The following CDC42SE2 variants were observed in gnomAD, a reference collection of about 807,000 sequenced individuals.
CDC42SE2 encodes the protein CDC42 small effector protein 2.
Under a neutral mutation model 11.5 loss-of-function variants are expected in CDC42SE2, and 3 were observed. The ratio of observed to expected loss-of-function variants is 0.26; its 90% CI spans 0.12 to 0.67. The LOEUF (loss-of-function observed/expected upper bound fraction) is 0.67. Among genes scored for constraint, CDC42SE2 ranks in the 30% least tolerant of loss-of-function variants. CDC42SE2 has a pLI of 0.80. For missense variants in CDC42SE2, 82 were observed against 106.8 expected (o/e 0.77, Z 1.02); for synonymous variants, 33 against 34.8 (o/e 0.95, Z 0.18).
At chr5:131,299,928 T>C (rs948301437) in intron 1 of CDC42SE2, among the ~76,000 whole-genome samples, 12 of 152,292 alleles carry the variant, frequency 7.9e-5, no homozygotes, top group Admixed American at 6.5e-4. Context: ...AGGTATTTAG[T>C]AGAAACCCAC....
At chr5:131,297,896 C>G (rs1167408474) in intron 1 of CDC42SE2, among the ~76,000 whole-genome samples, 2 of 151,912 alleles carry the variant, frequency 1.3e-5, no homozygotes, top group African/African-American at 4.8e-5. Flanking sequence ...AACTAGGAGA[C>G]TCTCCCTATT....
At chr5:131,268,212 G>A (rs1756913093) in intron 1 of CDC42SE2, among the ~76,000 whole-genome samples, 1 of 148,760 alleles carries the variant, frequency 6.7e-6, no homozygotes, top group South Asian at 2.1e-4. Context: ...ACAGGTGTCT[G>A]CCACCATGCC....
At chr5:131,251,891 G>T (rs1756641337) in intron 1 of CDC42SE2, among the ~76,000 whole-genome samples, 1 of 152,034 alleles carries the variant, frequency 6.6e-6, no homozygotes, top group Non-Finnish European at 1.5e-5. Flanking sequence ...ACACGCCTCT[G>T]ATCCTAGCTA....
At chr5:131,228,436 C>A in the CDC42SE2 span, among the ~76,000 whole-genome samples, 3 of 152,168 alleles carry the variant, frequency 2.0e-5, no homozygotes, top group African/African-American at 7.2e-5. Flanking sequence ...GTCCTGATGG[C>A]TTTCAATTTC....
At chr5:131,285,672 G>C (rs1054262922) in intron 1 of CDC42SE2, among the ~76,000 whole-genome samples, 1 of 152,162 alleles carries the variant, frequency 6.6e-6, no homozygotes, top group Admixed American at 6.5e-5. Context: ...CTTATGGTAG[G>C]CAATTTGGTA....
At chr5:131,383,671 C>A (rs1750390896) in intron 3 of CDC42SE2, among the ~76,000 whole-genome samples, 1 of 152,150 alleles carries the variant, frequency 6.6e-6, no homozygotes. Flanking sequence ...CAGCAGACTA[C>A]TACTTTTACA....
chr5:131,315,593 A>G (rs1758025242), intron 1 of CDC42SE2, among the ~76,000 whole-genome samples: 1 of 152,154 alleles, frequency 6.6e-6, no homozygotes, highest in African/African-American at 2.4e-5. Flanking sequence ...TGGGGCCAGT[A>G]TTGCCAGATA....
At chr5:131,369,009 C>G (rs1211928311) in intron 3 of CDC42SE2, among the ~76,000 whole-genome samples, 1 of 152,182 alleles carries the variant, frequency 6.6e-6, no homozygotes, top group Non-Finnish European at 1.5e-5. Context: ...ACCCCAGAAG[C>G]CTCCTTGTGT....
intron 1 of CDC42SE2, among the ~76,000 whole-genome samples, chr5:131,254,679 G>A (rs1322742543): frequency 1.1e-5 from 1 of 88,742 alleles, no homozygotes; most frequent in Non-Finnish European, 2.2e-5. Flanking sequence ...TAATGGGTAG[G>A]TTAACTTAGA....
At chr5:131,227,613 C>T in the CDC42SE2 span, among the ~76,000 whole-genome samples, 29 of 152,278 alleles carry the variant, frequency 1.9e-4, no homozygotes, top group African/African-American at 6.7e-4. Context: ...TTTAATCATC[C>T]TTTGGCAACA....
At chr5:131,259,104 C>G (rs568370267), upstream of CDC42SE2, among the ~76,000 whole-genome samples, 1 of 152,118 alleles carries the variant, frequency 6.6e-6, no homozygotes, top group African/African-American at 2.4e-5. Context: ...TTCCACAATT[C>G]CTGATTTTTC....
At chr5:131,373,908 C>G (rs1027175980) in intron 3 of CDC42SE2, among the ~76,000 whole-genome samples, 2 of 151,988 alleles carry the variant, frequency 1.3e-5, no homozygotes, top group African/African-American at 4.8e-5. Context: ...TTCATTCTTC[C>G]AGCAAGTAAA....
the CDC42SE2 span, among the ~76,000 whole-genome samples, chr5:131,214,404 T>A: frequency 3.9e-5 from 6 of 152,094 alleles, no homozygotes; most frequent in African/African-American, 1.4e-4. Flanking sequence ...AATATATAAA[T>A]TGGAAAGAGA....
At chr5:131,276,004 C>A (rs1263750172) in intron 1 of CDC42SE2, among the ~76,000 whole-genome samples, 1 of 151,846 alleles carries the variant, frequency 6.6e-6, no homozygotes, top group Non-Finnish European at 1.5e-5. Context: ...AATGCTTGTA[C>A]ATACTAAAAC....
chr5:131,244,205 A>G (rs1184557081), upstream of CDC42SE2, among the ~76,000 whole-genome samples: 1 of 152,248 alleles, frequency 6.6e-6, no homozygotes, highest in Non-Finnish European at 1.5e-5. Flanking sequence ...AAAAGCAAAA[A>G]TAAATGTAAC....
the CDC42SE2 span, among the ~76,000 whole-genome samples, chr5:131,224,107 C>T: frequency 6.6e-6 from 1 of 152,140 alleles, no homozygotes; most frequent in African/African-American, 2.4e-5. Flanking sequence ...GTTGGAATGC[C>T]CAGGCTCTGT....
chr5:131,309,326 T>G (rs1757848298), intron 1 of CDC42SE2, among the ~76,000 whole-genome samples: 1 of 151,758 alleles, frequency 6.6e-6, no homozygotes, highest in African/African-American at 2.4e-5. Context: ...AGCTTTTTGA[T>G]GTGCTGCTGG....
Position 131,391,631 on chromosome 5 carries a change from C to CA in CDC42SE2, c.*541dup, listed in dbSNP as rs1477491899. The CA allele has an allele frequency of 3.3e-5, 5 of 152,350 alleles. No homozygotes were observed. The highest frequency in any genetic ancestry group is 7.3e-5 in the Non-Finnish European group (5 of 68,134). The allele number at this position is 152,350 out of a possible 1,614,324, so 9.4% of individuals were successfully genotyped here. A position where few individuals can be genotyped will look rare whatever the true frequency, so the allele number is the denominator to read the frequency against. On this transcript the variant is annotated 3_prime_UTR_variant, in exon 5 of 5. Transcript: ENST00000505065. ...GGGTTGCAGTCAGCTGAGAATGCGC[C>CA]ACTGCGCTCCAGCCTGGGTGACAGA... is the stretch of plus-strand genomic sequence containing the variant.
chr5:131,252,004 G>A (rs1000307377), intron 1 of CDC42SE2, among the ~76,000 whole-genome samples: 1 of 150,250 alleles, frequency 6.7e-6, no homozygotes, highest in Non-Finnish European at 1.5e-5. Flanking sequence ...AACAGAGCAA[G>A]ACCCTGTCTC....
Sources: allele counts gnomAD v4.1 joint callset (sites outside exome capture counted in the v4.1 genomes callset), GRCh38; gene constraint gnomAD v4.1.1; transcripts MANE v1.5; gene names NCBI Gene and HGNC (gene_info 2026-07-23, HGNC 2026-07-21).